Variants in RNF2 observed in about 807,000 individuals in gnomAD.
RNF2 encodes the protein E3 ubiquitin-protein ligase RING2.
A neutral mutation model predicts 37.2 loss-of-function variants in RNF2; 6 were observed. The ratio of observed to expected loss-of-function variants is 0.16; its 90% CI spans 0.09 to 0.32. The LOEUF is 0.32. RNF2 is among the 10% of genes least tolerant of loss of function. The pLI, the probability that RNF2 is intolerant of heterozygous loss-of-function variation, is 1.00. For synonymous variants in RNF2, 133 were observed against 132.7 expected, an observed-to-expected ratio of 1.00 and a Z score of -0.02; for missense variants, 251 against 404.0, an observed-to-expected ratio of 0.62 and a Z score of 3.25.
chr1:185,100,099 A>T lies in RNF2; in HGVS notation c.910-101A>T, dbSNP rs1319148265. 8.2e-6 allele frequency: 10 copies of T among 1,219,922 alleles called. No homozygotes were observed. The East Asian group carries it at 2.2e-4, about 26-fold the overall frequency. 75.6% of individuals were successfully genotyped at this position (1,219,922 alleles called of 1,614,324 possible). On this transcript the variant is annotated intron_variant, in intron 6 of 6. Coordinates refer to ENST00000367510, the MANE Select transcript of RNF2 (RefSeq NM_007212.4). ...TAAGTGACAAGTAGTTATTCCTAAG[A>T]TTTGAAAAAAAAAGATTCTGTGGAC...
At chr1:185,070,290 C>T (rs899785603) in intron 1 of RNF2, among the ~76,000 whole-genome samples, 1 of 152,174 alleles carries the variant, frequency 6.6e-6, no homozygotes, top group Admixed American at 6.5e-5. Context: ...AGAAATTTGC[C>T]TATGAATCCA....
chr1:185,069,456 TAAAAAAA>T (rs768648029), intron 1 of RNF2, among the ~76,000 whole-genome samples: 1 of 94,176 alleles, frequency 1.1e-5, no homozygotes, highest in African/African-American at 4.0e-5. Flanking sequence ...AGACCCTGTC[TAAAAAAA>T]AAAAAAAAAA....
At chr1:185,081,004 C>T (rs1357030891) in intron 1 of RNF2, among the ~76,000 whole-genome samples, 2 of 152,060 alleles carry the variant, frequency 1.3e-5, no homozygotes, top group African/African-American at 4.8e-5. Context: ...AGAAATTCCT[C>T]CTGAGTAGTT....
chr1:185,075,046 A>G (rs184538369), intron 1 of RNF2, among the ~76,000 whole-genome samples: 70 of 152,064 alleles, frequency 4.6e-4, no homozygotes, highest in African/African-American at 1.6e-3. Flanking sequence ...CCCAGGCTGG[A>G]GTGAGTGGCG....
At chr1:185,049,587 G>C (rs1220880737) in intron 1 of RNF2, among the ~76,000 whole-genome samples, 1 of 151,596 alleles carries the variant, frequency 6.6e-6, no homozygotes, top group Non-Finnish European at 1.5e-5. Flanking sequence ...TTTACAATGT[G>C]CTAGGGTACA....
At chr1:185,047,577 A>G (rs957957031) in intron 1 of RNF2, among the ~76,000 whole-genome samples, 3 of 152,260 alleles carry the variant, frequency 2.0e-5, no homozygotes, top group African/African-American at 4.8e-5. Context: ...ATATATAACC[A>G]GATGTTTCAG....
At chr1:185,094,359 G>A (rs908253731) in intron 4 of RNF2, among the ~76,000 whole-genome samples, 1 of 152,126 alleles carries the variant, frequency 6.6e-6, no homozygotes, top group Non-Finnish European at 1.5e-5. Flanking sequence ...GGCGAGGCTG[G>A]TCTCAACTCC....
rs1298721984 is a variant in RNF2, at chr1:185,045,592, G to C, written c.-60G>C. ...GGCGGCGCCGGCGTCCGCGGCAGCTGATACCAGAGTCTTGCTCCGGCCGCG... is the reference window on the plus strand; with the variant it reads ...GGCGGCGCCGGCGTCCGCGGCAGCTCATACCAGAGTCTTGCTCCGGCCGCG... On this transcript the variant is annotated 5_prime_UTR_variant, in exon 1 of 7. Transcript: ENST00000367510. 6.6e-6 allele frequency: 1 copy of C among 152,414 alleles called. No homozygotes were observed. Among genetic ancestry groups the C allele is most frequent in the Non-Finnish European group, 1.5e-5 (1 of 68,232 alleles). The allele number at this position is 152,414 out of a possible 1,614,324, so 9.4% of individuals were successfully genotyped here.
At chr1:185,093,707 C>A (rs1651833946) in intron 4 of RNF2, among the ~76,000 whole-genome samples, 1 of 152,204 alleles carries the variant, frequency 6.6e-6, no homozygotes. Context: ...TTTCTCCCTT[C>A]TCTTTGAATA....
At chr1:185,084,805 T>C (rs1455736108) in intron 1 of RNF2, among the ~76,000 whole-genome samples, 2 of 151,984 alleles carry the variant, frequency 1.3e-5, no homozygotes, top group African/African-American at 4.8e-5. Context: ...GCTTTCACTT[T>C]GATTCACAAG....
chr1:185,085,055 G>C (rs747382705), intron 1 of RNF2, among the ~76,000 whole-genome samples: 1 of 151,710 alleles, frequency 6.6e-6, no homozygotes, highest in South Asian at 2.1e-4. Context: ...CAACTGTACT[G>C]CTCTTCCAAC....
At chr1:185,084,073 C>G (rs746637825) in intron 1 of RNF2, among the ~76,000 whole-genome samples, 2 of 152,008 alleles carry the variant, frequency 1.3e-5, no homozygotes, top group Non-Finnish European at 2.9e-5. Context: ...TCCCAAGTAC[C>G]TAAAACTACA....
Position 185,093,142 on chromosome 1 carries a change from C to G in RNF2, c.330C>G (p.Ile110Met). ...LRPDPNFDAL[I>M]SKIYPSRDEY... is the part of the protein sequence containing the mutation. ...CAGACCCAAACTTTGATGCACTCAT[C>G]AGCAAAATTTATCCAAGTCGTGATG... Residue 110 changes from isoleucine to methionine, a missense_variant, in exon 4 of 7, where the codon ATC becomes ATG. Ile to Met is a conservative substitution (Grantham distance 10). This residue lies in a region of RNF2 where 33 missense variants were observed against 46.8 expected (regional missense o/e 0.71). Transcript: ENST00000367510. 1 of 1,613,990 alleles carries G rather than the reference C, an allele frequency of 6.2e-7. No homozygotes were observed. The highest frequency in any genetic ancestry group is 8.5e-7 in the Non-Finnish European group (1 of 1,179,946).
chr1:185,081,602 G>T (rs866699447), intron 1 of RNF2, among the ~76,000 whole-genome samples: 8 of 150,492 alleles, frequency 5.3e-5, no homozygotes, highest in Admixed American at 3.3e-4. Context: ...GGGGGGGGGC[G>T]GTTTCACCAT....
chr1:185,051,601 CA>C (rs1669858554), intron 1 of RNF2, among the ~76,000 whole-genome samples: 1 of 151,994 alleles, frequency 6.6e-6, no homozygotes, highest in South Asian at 2.1e-4. Context: ...TGTCTATTTT[CA>C]AGTTGTTGAG....
At chr1:185,092,407 C>T (rs1036623831) in intron 3 of RNF2, among the ~76,000 whole-genome samples, 2 of 152,046 alleles carry the variant, frequency 1.3e-5, no homozygotes, top group African/African-American at 2.4e-5. Context: ...GAACTCCTGA[C>T]CTCGTGATCC....
intron 1 of RNF2, among the ~76,000 whole-genome samples, chr1:185,050,091 C>G (rs1650231400): frequency 6.6e-6 from 1 of 152,088 alleles, no homozygotes; most frequent in African/African-American, 2.4e-5. Context: ...ATGATCTGGA[C>G]GAATAGTGTA....
intron 1 of RNF2, among the ~76,000 whole-genome samples, chr1:185,060,565 AAG>A (rs1650568369): frequency 6.6e-6 from 1 of 152,208 alleles, no homozygotes; most frequent in East Asian, 1.9e-4. Flanking sequence ...AGTCCTTTAT[AAG>A]AATGTGATGA....
At chr1:185,088,478 C>T (rs1651666972) in intron 2 of RNF2, among the ~76,000 whole-genome samples, 1 of 151,796 alleles carries the variant, frequency 6.6e-6, no homozygotes, top group African/African-American at 2.4e-5. Context: ...ATCACTTGAA[C>T]CTGGGAGGCG....
Sources: gnomAD v4.1 joint callset for allele counts (sites outside exome capture counted in the v4.1 genomes callset) on GRCh38, gnomAD v4.1.1 for gene constraint, gnomAD v4.1.1 regional missense constraint, MANE v1.5 for transcripts, NCBI Gene and HGNC (gene_info 2026-07-23, HGNC 2026-07-21) for gene names.